Variants in MAP4K5 observed in about 807,000 individuals in gnomAD.
MAP4K5 encodes the protein MAPK/ERK kinase kinase kinase 5.
In MAP4K5, 82 loss-of-function variants were observed where a neutral mutation model predicts 135.6. The observed-to-expected ratio is 0.60, with a 90% CI of 0.51 to 0.73. The LOEUF (loss-of-function observed/expected upper bound fraction) is 0.73, where lower values mean the gene tolerates loss of function less well. MAP4K5 is among the 30% of genes least tolerant of loss of function. MAP4K5 has a pLI of 0.00. For missense variants in MAP4K5, 907 were observed against 1,010.9 expected (o/e 0.90, Z 1.39); for synonymous variants, 347 against 335.0 (o/e 1.04, Z -0.39).
At chr14:50,499,254 A>C (rs965491950) in intron 3 of MAP4K5, among the ~76,000 whole-genome samples, 1 of 152,208 alleles carries the variant, frequency 6.6e-6, no homozygotes. Flanking sequence ...AGGAAAATTA[A>C]GGCAACAAAA....
intron 15 of MAP4K5, 62 bp from the exon 16 acceptor site, chr14:50,447,543 G>A: frequency 2.2e-6 from 2 of 924,752 alleles, no homozygotes; most frequent in Non-Finnish European, 1.6e-6. Flanking sequence ...CATTTTATTT[G>A]ATTCAAGAAA....
intron 1 of MAP4K5, among the ~76,000 whole-genome samples, chr14:50,548,928 A>G (rs2140156913): frequency 6.6e-6 from 1 of 152,254 alleles, no homozygotes; most frequent in East Asian, 1.9e-4. Context: ...CAGACCACAC[A>G]ATAAAAACTG....
chr14:50,520,820 CTTTT>C (rs139101824), intron 2 of MAP4K5, among the ~76,000 whole-genome samples: 4 of 107,936 alleles, frequency 3.7e-5, no homozygotes, highest in Admixed American at 9.7e-5. Flanking sequence ...GCAAAGTCAT[CTTTT>C]TTTTTTTTTT....
intron 13 of MAP4K5, among the ~76,000 whole-genome samples, chr14:50,460,383 A>G (rs937189573): frequency 1.3e-5 from 2 of 152,186 alleles, no homozygotes; most frequent in Non-Finnish European, 2.9e-5. Context: ...TGACATCATT[A>G]AACAGAAATA....
chr14:50,508,599 G>A (rs568601996), intron 2 of MAP4K5, among the ~76,000 whole-genome samples: 54 of 152,110 alleles, frequency 3.6e-4, no homozygotes, highest in African/African-American at 1.2e-3. Context: ...ATAGCATTAG[G>A]AGATACACCT....
At chr14:50,514,102 G>A (rs376773197) in intron 2 of MAP4K5, among the ~76,000 whole-genome samples, 4 of 151,954 alleles carry the variant, frequency 2.6e-5, no homozygotes, top group African/African-American at 4.8e-5. Context: ...TTTTGAGGCC[G>A]AGTCTTGCTC....
At chr14:50,446,005 C>T in intron 17 of MAP4K5, 74 bp downstream of exon 17, 1 of 1,025,782 alleles carries the variant, frequency 9.7e-7, no homozygotes, top group South Asian at 2.1e-5. Context: ...TTTGAAAAAA[C>T]TCAAAATTAT....
At chr14:50,534,497 TC>T (rs1256855115), upstream of MAP4K5, among the ~76,000 whole-genome samples, 4 of 152,228 alleles carry the variant, frequency 2.6e-5, no homozygotes, top group African/African-American at 9.6e-5. Context: ...ATCCTGACAA[TC>T]CTTTAAGCAT....
chr14:50,506,330 G>C (rs1426752964), intron 2 of MAP4K5, among the ~76,000 whole-genome samples: 1 of 152,040 alleles, frequency 6.6e-6, no homozygotes, highest in Non-Finnish European at 1.5e-5. Context: ...GACACAAACA[G>C]AAAGAAAAAT....
At position 50,459,758 on chromosome 14, in the gene MAP4K5, C is replaced by T. The variant is rs545358427; in HGVS notation, c.936+2907G>A. Among the ~76,000 whole-genome samples, 254 of 150,524 alleles carry T rather than the reference C, an allele frequency of 1.7e-3. 2 individuals carry two copies. The Middle Eastern group carries it at 0.028, about 16-fold the overall frequency. ...TGTCACCCAGGTTGGAGTGCAGTGG[C>T]GCGATCTTGGCTCACTGTAACCTTT... is the stretch of plus-strand genomic sequence containing the variant. On this transcript the variant is annotated intron_variant, in intron 13 of 32. Transcript: ENST00000682126.
intron 1 of MAP4K5, among the ~76,000 whole-genome samples, chr14:50,554,109 GT>G (rs369844075): frequency 0.092 from 13,476 of 146,422 alleles, 786 homozygotes; most frequent in African/African-American, 0.18. Flanking sequence ...TTTTTAAAAA[GT>G]TTTTTTTTTT....
rs1388499466 is a variant in MAP4K5 at position 50,437,877 on chromosome 14, A to G, written c.1823+17T>C. The G allele has an allele frequency of 1.4e-6, 2 of 1,409,646 alleles. No homozygotes were observed. Among genetic ancestry groups the G allele is most frequent in the East Asian group, 2.3e-5 (1 of 43,900 alleles). The allele number at this position is 1,409,646 out of a possible 1,614,324, so 87.3% of individuals were successfully genotyped here. On this transcript the variant is annotated intron_variant, in intron 25 of 32. Coordinates refer to ENST00000682126, the MANE Select transcript of MAP4K5 (RefSeq NM_006575.6). The stretch of plus-strand genomic sequence containing the variant: ...CTAATTCCCCTCATTCAGTAGAATC[A>G]AAATGATATTTTGTACCTTGGTAGT...
chr14:50,530,403 T>C (rs79279264), intron 2 of MAP4K5, among the ~76,000 whole-genome samples: 2,258 of 152,312 alleles, frequency 0.015, 47 homozygotes, highest in African/African-American at 0.051. Context: ...AAAACACTCC[T>C]AAAACTTTAT....
intron 2 of MAP4K5, among the ~76,000 whole-genome samples, chr14:50,522,741 G>C (rs2038177736): frequency 6.6e-6 from 1 of 151,942 alleles, no homozygotes; most frequent in Admixed American, 6.6e-5. Flanking sequence ...GACACAAAAA[G>C]GACAGTATAT....
chr14:50,484,250 T>G (rs1406348822), intron 5 of MAP4K5, among the ~76,000 whole-genome samples: 1 of 152,238 alleles, frequency 6.6e-6, no homozygotes, highest in African/African-American at 2.4e-5. Context: ...AACATTTATG[T>G]GATGTTAAAA....
intron 2 of MAP4K5, among the ~76,000 whole-genome samples, chr14:50,541,357 C>T (rs1243467254): frequency 6.6e-6 from 1 of 152,136 alleles, no homozygotes; most frequent in African/African-American, 2.4e-5. Context: ...TTAAAAAATA[C>T]CACTAATACC....
At chr14:50,502,880 A>G (rs1259876145) in intron 3 of MAP4K5, among the ~76,000 whole-genome samples, 1 of 152,128 alleles carries the variant, frequency 6.6e-6, no homozygotes, top group Non-Finnish European at 1.5e-5. Flanking sequence ...AAATACATAG[A>G]GAGAGTTCTC....
At chr14:50,531,204 T>C (rs547263475) in intron 2 of MAP4K5, among the ~76,000 whole-genome samples, 1 of 152,200 alleles carries the variant, frequency 6.6e-6, no homozygotes, top group South Asian at 2.1e-4. Context: ...CTCTACAATG[T>C]TTTTTAAAAT....
At position 50,440,377 on chromosome 14, in the gene MAP4K5, C is replaced by G; in HGVS notation, c.1629G>C (p.Glu543Asp). The change falls in exon 22 of 33, where the codon GAG becomes GAC. Residue 543 changes from glutamate (E) to aspartate (D), a missense_variant. Glu to Asp is a conservative substitution (Grantham distance 45). Around this residue, in one of 3 missense-constraint regions of MAP4K5, gnomAD observed 690 missense variants for 777.4 expected, o/e 0.89. Coordinates refer to ENST00000682126, the MANE Select transcript of MAP4K5 (RefSeq NM_006575.6). ...IYTLNLNELHEATMEQLFPRK... is the reference protein window; with the variant it reads ...IYTLNLNELHDATMEQLFPRK... ...GCCTAATTACCTGTTCCATCGTTGCCTCATGTAGCTCATTGAGATTCAGTG... is the reference window on the plus strand; with the variant it reads ...GCCTAATTACCTGTTCCATCGTTGCGTCATGTAGCTCATTGAGATTCAGTG... 1 of 1,598,736 alleles carries G rather than the reference C, an allele frequency of 6.3e-7. No individual in the cohort carries two copies. The highest frequency in any genetic ancestry group is 8.6e-7 in the Non-Finnish European group (1 of 1,168,994).
Sources: gnomAD v4.1 joint callset for allele counts (sites outside exome capture counted in the v4.1 genomes callset) on GRCh38, gnomAD v4.1.1 for gene constraint, gnomAD v4.1.1 regional missense constraint, MANE v1.5 for transcripts, NCBI Gene and HGNC (gene_info 2026-07-23, HGNC 2026-07-21) for gene names.